PRSS41: variants seen among roughly 807,000 people sequenced by gnomAD.
PRSS41 encodes serine protease 41.
PRSS41 carries 37 observed loss-of-function variants against 28.8 expected under a neutral mutation model. That is an observed-to-expected ratio of 1.29 (90% CI 0.99 to 1.69). The LOEUF (loss-of-function observed/expected upper bound fraction) is 1.69, where lower values mean the gene tolerates loss of function less well. PRSS41 is among the 40% of genes most tolerant of loss of function. PRSS41 has a pLI of 0.00. For missense variants in PRSS41, 431 were observed against 400.7 expected (o/e 1.08, Z -0.65); for synonymous variants, 195 against 163.1 (o/e 1.20, Z -1.49).
Position 2,798,920 on chromosome 16 carries a change from C to T in PRSS41, c.92-39C>T, listed in dbSNP as rs894296604. 4.3e-5 allele frequency: 65 copies of T among 1,504,026 alleles called. No individual in the cohort carries two copies. In the Admixed American group the frequency reaches 1.3e-3, roughly 31 times the overall value. The allele number at this position is 1,504,026 out of a possible 1,614,324, so 93.2% of individuals were successfully genotyped here. On this transcript the variant is annotated intron_variant, in intron 2 of 5. Coordinates refer to ENST00000399677, the Ensembl canonical transcript of PRSS41. ...GCAGGGCGGGCCTGCCCACCCCACC[C>T]CACCCGGCAGCTCAGCCGCGTCCGT... is the stretch of plus-strand genomic sequence containing the variant.
At chr16:2,804,953 C>T (rs1261730096) in exon 6 of PRSS41, 2 of 1,589,998 alleles carry the variant, frequency 1.3e-6, no homozygotes, top group Non-Finnish European at 1.7e-6. Flanking sequence ...CAAGGATGGA[C>T]TGTGGTATCA....
chr16:2,799,585 G>A lies in PRSS41; in HGVS notation c.541+16G>A, dbSNP rs2068973430. On this transcript the variant is annotated intron_variant, in intron 4 of 5. Coordinates refer to ENST00000399677, the Ensembl canonical transcript of PRSS41. ...CCCAGTGGCAGTGAGGCTGGGGATA[G>A]ACCGGGTGGGGTGATGGGGGTGCGG... 6.5e-7 allele frequency: 1 copy of A among 1,550,072 alleles called. No individual in the cohort carries two copies.
chr16:2,800,522 G>A (rs947577018), intron 4 of PRSS41, among the ~76,000 whole-genome samples: 1 of 129,670 alleles, frequency 7.7e-6, no homozygotes, highest in Non-Finnish European at 1.6e-5. Flanking sequence ...CAGCCTGGGT[G>A]ACAGAGCAAG....
At chr16:2,799,452 T>A in exon 4 of PRSS41, 1 of 1,552,230 alleles carries the variant, frequency 6.4e-7, no homozygotes, top group South Asian at 1.2e-5. Flanking sequence ...GAGACTGGCC[T>A]CTTCTGTCAC....
intron 3 of PRSS41, 32 bp from the exon 4 acceptor site, chr16:2,799,254 A>G (rs966336825): frequency 1.3e-6 from 2 of 1,547,172 alleles, no homozygotes; most frequent in African/African-American, 2.7e-5. Flanking sequence ...CCCCTATTCC[A>G]AGGCTCCCCG....
rs2068964020 is a variant in PRSS41 at position 2,798,623 on chromosome 16, T to C, written c.65-13T>C. ...AGGTGGAGGCCGCGAGGGTCACTTC[T>C]TGTGTCCTGCAGAGTCGCAGGAGGA... On this transcript the variant is annotated splice_polypyrimidine_tract_variant and intron_variant, in intron 1 of 5. Transcript: ENST00000399677. The C allele has an allele frequency of 2.6e-6, 4 of 1,519,046 alleles. No individual in the cohort carries two copies. Among genetic ancestry groups the C allele is most frequent in the African/African-American group, 2.9e-5 (2 of 69,714 alleles). 94.1% of individuals were successfully genotyped at this position (1,519,046 alleles called of 1,614,324 possible). A position where few individuals can be genotyped will look rare whatever the true frequency, so the allele number is the denominator to read the frequency against.
intron 4 of PRSS41, among the ~76,000 whole-genome samples, chr16:2,802,187 T>G (rs2068992659): frequency 7.2e-6 from 1 of 138,954 alleles, no homozygotes; most frequent in Admixed American, 7.2e-5. Flanking sequence ...GCAGAGACGC[T>G]CCTCACCTCC....
rs1036672142 is a variant in PRSS41, at chr16:2,798,998, G to T, written c.131G>T (p.Gly44Val). The change falls in exon 3 of 6, where the codon GGC becomes GTC. Residue 44 changes from glycine to valine, a missense_variant. Transcript: ENST00000399677. The stretch of plus-strand genomic sequence containing the variant: ...CGGGAAATTCACGCGCTGGTGGCGG[G>T]CGGAGTGGAGTCCGCGCGCGGGCGC... The T allele has an allele frequency of 2.8e-5, 43 of 1,532,196 alleles. No homozygotes were observed. The African/African-American group carries it at 4.7e-4, about 17-fold the overall frequency. The allele number at this position is 1,532,196 out of a possible 1,614,324, so 94.9% of individuals were successfully genotyped here.
exon 4 of PRSS41, chr16:2,799,386 G>T (rs777137251): frequency 1.3e-6 from 2 of 1,551,926 alleles, no homozygotes; most frequent in African/African-American, 2.7e-5. Flanking sequence ...CAAAGTGCAG[G>T]ACATCATTGT....
At chr16:2,804,285 A>T in intron 4 of PRSS41, 104 bp from the exon 5 acceptor site, 1 of 1,252,576 alleles carries the variant, frequency 8.0e-7, no homozygotes, top group Non-Finnish European at 1.1e-6. Flanking sequence ...TGGGTGTGTC[A>T]GGGACCTTCT....
exon 5 of PRSS41, chr16:2,804,479 G>C: frequency 6.4e-7 from 1 of 1,551,592 alleles, no homozygotes; most frequent in Non-Finnish European, 8.7e-7. Flanking sequence ...CAGCCCTCTA[G>C]CCGTAGTATG....
exon 6 of PRSS41, chr16:2,804,965 G>T (rs369316899): frequency 6.3e-7 from 1 of 1,588,692 alleles, no homozygotes; most frequent in South Asian, 1.1e-5. Flanking sequence ...GTGGTATCAG[G>T]TTGGAATCGT....
intron 2 of PRSS41, 28 bp from the exon 3 acceptor site, chr16:2,798,931 C>T: frequency 3.3e-6 from 5 of 1,521,994 alleles, no homozygotes; most frequent in Non-Finnish European, 4.4e-6. Flanking sequence ...CACCCGGCAG[C>T]TCAGCCGCGT....
At chr16:2,799,101 C>T (rs2068968104) in exon 3 of PRSS41, 2 of 1,529,932 alleles carry the variant, frequency 1.3e-6, no homozygotes, top group Non-Finnish European at 1.7e-6. Context: ...GCTGGGTGCT[C>T]TCGGCTGCGC....
exon 6 of PRSS41, chr16:2,805,274 C>T (rs185662396): frequency 3.1e-6 from 2 of 649,240 alleles, no homozygotes; most frequent in East Asian, 2.7e-5. Flanking sequence ...CCTTTTGTCT[C>T]GTTTGCTAAT....
exon 1 of PRSS41, chr16:2,798,527 C>G: frequency 2.0e-6 from 3 of 1,530,608 alleles, no homozygotes; most frequent in Non-Finnish European, 2.6e-6. Context: ...GCTGCTGGCT[C>G]GGGCTGGACT....
intron 4 of PRSS41, among the ~76,000 whole-genome samples, chr16:2,802,390 T>C (rs1367518835): frequency 6.7e-6 from 1 of 148,746 alleles, no homozygotes; most frequent in Non-Finnish European, 1.5e-5. Flanking sequence ...CGCTCCTCAC[T>C]TTCCAGACTG....
chr16:2,799,386 G>A lies in PRSS41; in HGVS notation c.358G>A (p.Asp120Asn), dbSNP rs777137251. The change falls in exon 4 of 6, where the codon GAC (aspartate) becomes AAC (asparagine). Residue 120 changes from aspartate to asparagine, a missense_variant. Asp to Asn is a conservative substitution (Grantham distance 23). Transcript: ENST00000399677. The stretch of plus-strand genomic sequence containing the variant: ...CTACAGCAGTCGTTACAAAGTGCAG[G>A]ACATCATTGTGAACCCTGACGCACT... The A allele has an allele frequency of 4.4e-5, 69 of 1,552,044 alleles. 1 individual carries two copies. In the South Asian group the frequency reaches 7.5e-4, roughly 17 times the overall value.
At chr16:2,802,194 C>T (rs1309239873) in intron 4 of PRSS41, among the ~76,000 whole-genome samples, 2 of 148,948 alleles carry the variant, frequency 1.3e-5, no homozygotes, top group African/African-American at 2.5e-5. Context: ...CGCTCCTCAC[C>T]TCCCAGACAG....
Sources: gnomAD v4.1 joint callset for allele counts (sites outside exome capture counted in the v4.1 genomes callset) on GRCh38, gnomAD v4.1.1 for gene constraint, MANE v1.5 for transcripts, NCBI Gene and HGNC (gene_info 2026-07-23, HGNC 2026-07-21) for gene names.